Variants in AGO3 observed in about 807,000 individuals in gnomAD.
AGO3 encodes the protein protein argonaute-3.
A neutral mutation model predicts 105.5 loss-of-function variants in AGO3; 16 were observed. The observed-to-expected ratio is 0.15, with a 90% confidence interval of 0.10 to 0.23. AGO3 has a LOEUF of 0.23. Ranked by LOEUF, AGO3 falls within the 10% of genes least tolerant of loss-of-function variation. The probability of loss-of-function intolerance (pLI) is 1.00; values close to 1 mark genes in which losing one functional copy is unlikely to be tolerated. For synonymous variants in AGO3, 340 were observed against 367.3 expected (o/e 0.93, Z 0.85); for missense variants, 534 against 1,088.0 (o/e 0.49, Z 7.16).
intron 3 of AGO3, among the ~76,000 whole-genome samples, chr1:35,971,214 C>G (rs578120605): frequency 5.1e-4 from 75 of 147,588 alleles, no homozygotes; most frequent in Middle Eastern, 3.5e-3. Context: ...CGCTGGAGCA[C>G]AGTGGTGTGA....
chr1:35,994,860 G>A (rs996752566), intron 5 of AGO3, among the ~76,000 whole-genome samples: 1 of 152,086 alleles, frequency 6.6e-6, no homozygotes, highest in Admixed American at 6.6e-5. Context: ...AGGTAAAGAG[G>A]TGTTCTTGGA....
At chr1:35,937,645 G>T (rs568460224) in intron 1 of AGO3, among the ~76,000 whole-genome samples, 141 of 152,146 alleles carry the variant, frequency 9.3e-4, no homozygotes, top group South Asian at 2.5e-3. Context: ...AGCCAAGATC[G>T]TGCCACTGCC....
chr1:36,015,358 G>C (rs1440726945), intron 11 of AGO3, among the ~76,000 whole-genome samples: 3 of 152,190 alleles, frequency 2.0e-5, no homozygotes, highest in African/African-American at 7.2e-5. Context: ...TGTTCAGCTG[G>C]CCAGAAGCTC....
intron 5 of AGO3, among the ~76,000 whole-genome samples, chr1:35,999,720 T>G (rs1639996825): frequency 6.6e-6 from 1 of 152,218 alleles, no homozygotes; most frequent in African/African-American, 2.4e-5. Flanking sequence ...TTAAATCTAG[T>G]AACATTGCTG....
intron 2 of AGO3, among the ~76,000 whole-genome samples, chr1:35,958,032 T>C (rs187667617): frequency 3.3e-5 from 5 of 152,096 alleles, no homozygotes; most frequent in African/African-American, 1.2e-4. Context: ...ACCACTGCAC[T>C]CCATCCTCTG....
intron 2 of AGO3, among the ~76,000 whole-genome samples, chr1:35,966,435 G>C (rs1225291405): frequency 1.3e-5 from 2 of 152,150 alleles, no homozygotes; most frequent in African/African-American, 4.8e-5. Flanking sequence ...AAAAATGGAG[G>C]TTTTATAATA....
At position 36,060,406 on chromosome 1, in the gene AGO3, C is replaced by G. The variant is rs966120554; in HGVS notation, c.*4661C>G. 2 of 152,154 alleles carry G rather than the reference C, an allele frequency of 1.3e-5. No individual in the cohort carries two copies. Among genetic ancestry groups the G allele is most frequent in the South Asian group, 2.1e-4 (1 of 4,834 alleles). The allele number at this position is 152,154 out of a possible 1,614,324, so 9.4% of individuals were successfully genotyped here. ...GCGCTAAGCATGCCAGTGATGGATC[C>G]GAAGTATTTAGATGGATTGCAGACC... is the stretch of plus-strand genomic sequence containing the variant. On this transcript the variant is annotated 3_prime_UTR_variant, in exon 19 of 19. Coordinates refer to ENST00000373191, the MANE Select transcript of AGO3 (RefSeq NM_024852.4).
At chr1:36,034,384 T>C in intron 13 of AGO3, 51 bp downstream of exon 13, 1 of 1,420,426 alleles carries the variant, frequency 7.0e-7, no homozygotes, top group Non-Finnish European at 9.5e-7. Flanking sequence ...TCTTCATTTG[T>C]CTATATATGA....
intron 11 of AGO3, among the ~76,000 whole-genome samples, chr1:36,016,588 T>G (rs1640914107): frequency 6.6e-6 from 1 of 151,448 alleles, no homozygotes; most frequent in Non-Finnish European, 1.5e-5. Flanking sequence ...CTTTGATCTA[T>G]CCCCCCAATT....
chr1:35,975,490 A>G (rs1449155625), intron 5 of AGO3, among the ~76,000 whole-genome samples: 2 of 151,322 alleles, frequency 1.3e-5, no homozygotes, highest in Non-Finnish European at 2.9e-5. Flanking sequence ...TGAGTTGCAG[A>G]TATTTTACCT....
At chr1:36,054,806 C>T (rs1236299559) in intron 17 of AGO3, 140 bp from the exon 18 acceptor site, 13 of 730,012 alleles carry the variant, frequency 1.8e-5, no homozygotes, top group Non-Finnish European at 2.7e-5. Flanking sequence ...CTTTTGAGCC[C>T]CAGAGGTGGA....
rs1000534940 is a variant in AGO3 at position 35,968,211 on chromosome 1, G to A, written c.312+1136G>A. On this transcript the variant is annotated intron_variant, in intron 3 of 18. Transcript: ENST00000373191. The stretch of plus-strand genomic sequence containing the variant: ...TGTCTGCCAGTTTTCTCCTATTGGG[G>A]TATTCTTTTCCTCCTTGTAGTTAAT... Among the ~76,000 whole-genome samples, 11 of 152,252 alleles carry A rather than the reference G, an allele frequency of 7.2e-5. No homozygotes were observed. In the Middle Eastern group the frequency reaches 0.01, roughly 141 times the overall value.
intron 11 of AGO3, among the ~76,000 whole-genome samples, chr1:36,019,844 C>G (rs1446946985): frequency 6.6e-6 from 1 of 152,212 alleles, no homozygotes; most frequent in Non-Finnish European, 1.5e-5. Context: ...TCTCGGCTCA[C>G]TGCAACTTCC....
At chr1:35,982,788 C>CA in intron 5 of AGO3, 1 of 575,260 alleles carries the variant, frequency 1.7e-6, no homozygotes, top group South Asian at 2.4e-5. Flanking sequence ...GAACCATGTC[C>CA]AGAAAAAAAA....
chr1:36,029,387 CTTTCTTTTTTTTT>C (rs1641658602), intron 12 of AGO3, among the ~76,000 whole-genome samples: 1 of 142,952 alleles, frequency 7.0e-6, no homozygotes, highest in Non-Finnish European at 1.5e-5. Flanking sequence ...TTTTCTCTTT[CTTTCTTTTTTTTT>C]TTTTTTTTTT....
intron 11 of AGO3, among the ~76,000 whole-genome samples, chr1:36,019,302 A>T (rs79955314): frequency 0.015 from 2,320 of 152,330 alleles, 48 homozygotes; most frequent in African/African-American, 0.053. Context: ...TGACTATTTC[A>T]TAAGGGTTCA....
intron 5 of AGO3, among the ~76,000 whole-genome samples, chr1:35,988,915 A>G (rs1647357262): frequency 6.6e-6 from 1 of 152,244 alleles, no homozygotes; most frequent in African/African-American, 2.4e-5. Flanking sequence ...GCTATGAAAA[A>G]TAATGAGAAA....
intron 2 of AGO3, among the ~76,000 whole-genome samples, chr1:35,950,785 A>C (rs1646457286): frequency 6.6e-6 from 1 of 152,152 alleles, no homozygotes; most frequent in Non-Finnish European, 1.5e-5. Flanking sequence ...CCAACCTCTA[A>C]ATACACCTTG....
chr1:36,005,385 AAGAG>A (rs930241526), intron 6 of AGO3, among the ~76,000 whole-genome samples: 13 of 152,190 alleles, frequency 8.5e-5, no homozygotes, highest in Non-Finnish European at 1.5e-4. Flanking sequence ...TTCAGTAACC[AAGAG>A]AGAGATAGTC....
Sources: gnomAD v4.1 joint callset for allele counts (sites outside exome capture counted in the v4.1 genomes callset) on GRCh38, gnomAD v4.1.1 for gene constraint, MANE v1.5 for transcripts, NCBI Gene and HGNC (gene_info 2026-07-23, HGNC 2026-07-21) for gene names.